The following VAPB variants were observed in gnomAD, a reference collection of about 807,000 sequenced individuals.
The protein encoded by VAPB is vesicle-associated membrane protein-associated protein B/C.
A neutral mutation model predicts 25.6 loss-of-function variants in VAPB; 7 were observed. The observed-to-expected ratio is 0.27, with a 90% CI of 0.16 to 0.51. The LOEUF is 0.51. Ranked by LOEUF, VAPB falls within the 20% of genes least tolerant of loss-of-function variation. The pLI, the probability that VAPB is intolerant of heterozygous loss-of-function variation, is 0.97. For synonymous variants in VAPB, 112 were observed against 109.2 expected (o/e 1.03, Z -0.16); for missense variants, 266 against 301.3 (o/e 0.88, Z 0.87).
At chr20:58,428,713 T>G (rs139766078) in intron 2 of VAPB, among the ~76,000 whole-genome samples, 218 of 152,352 alleles carry the variant, frequency 1.4e-3, no homozygotes, top group African/African-American at 4.8e-3. Flanking sequence ...TGTCACAATT[T>G]GCACATATGG....
rs1157096226 is a variant in VAPB, at chr20:58,448,572, T to C, written c.*4337T>C. On this transcript the variant is annotated 3_prime_UTR_variant, in exon 6 of 6. Transcript: ENST00000475243. ...TAAATCAGTCTCTGTAAGGCCTACA[T>C]TGCTAAGATACCATTTCAGCTCTGA... 4.4e-6 allele frequency: 2 copies of C among 454,112 alleles called. No homozygotes were observed. Among genetic ancestry groups the C allele is most frequent in the Non-Finnish European group, 8.8e-6 (2 of 226,792 alleles). 28.1% of individuals were successfully genotyped at this position (454,112 alleles called of 1,614,324 possible).
chr20:58,448,232 C>T lies in VAPB; in HGVS notation c.*3997C>T, dbSNP rs1172681069. 2 of 454,016 alleles carry T rather than the reference C, an allele frequency of 4.4e-6. No individual in the cohort carries two copies. Among genetic ancestry groups the T allele is most frequent in the Non-Finnish European group, 8.8e-6 (2 of 226,782 alleles). The allele number at this position is 454,016 out of a possible 1,614,324, so 28.1% of individuals were successfully genotyped here. A position where few individuals can be genotyped will look rare whatever the true frequency, so the allele number is the denominator to read the frequency against. On this transcript the variant is annotated 3_prime_UTR_variant, in exon 6 of 6. Coordinates refer to ENST00000475243, the MANE Select transcript of VAPB (RefSeq NM_004738.5). ...TTCATGACATACAAATCCCATAAGG[C>T]CAACGACCACTCTTCTGGAACACCA...
At chr20:58,402,552 C>G (rs1383339667) in intron 1 of VAPB, among the ~76,000 whole-genome samples, 1 of 147,156 alleles carries the variant, frequency 6.8e-6, no homozygotes, top group Non-Finnish European at 1.5e-5. Context: ...AGTCAGCAAG[C>G]CCCCCCACCC....
rs1988595384 is a variant in VAPB at position 58,418,342 on chromosome 20, G to A, written c.190G>A (p.Gly64Arg). ...GCCCAACAGCGGAATCATCGATGCA[G>A]GGGCCTCAATTAATGTATCTGGTAA... ...VRPNSGIIDA[G>R]ASINVSVMLQ... The change falls in exon 2 of 6, where the codon GGG becomes AGG. Residue 64 changes from glycine to arginine, a missense_variant. By Grantham distance (125) the Gly-to-Arg change is moderately radical. This residue lies in a region of VAPB where 98 missense variants were observed against 147.1 expected (regional missense o/e 0.67). Transcript: ENST00000475243. 1.9e-6 allele frequency: 3 copies of A among 1,614,140 alleles called. No homozygotes were observed. The East Asian group carries it at 6.7e-5, about 36-fold the overall frequency.
chr20:58,442,195 G>T (rs1989176904), intron 5 of VAPB, among the ~76,000 whole-genome samples: 1 of 152,190 alleles, frequency 6.6e-6, no homozygotes, highest in South Asian at 2.1e-4. Context: ...TGACAGTGAG[G>T]TAGATATAGG....
intron 2 of VAPB, among the ~76,000 whole-genome samples, chr20:58,424,883 T>C (rs1351229074): frequency 1.3e-5 from 2 of 152,262 alleles, no homozygotes; most frequent in East Asian, 3.8e-4. Flanking sequence ...AACTGATTTA[T>C]AAATAAATGC....
intron 3 of VAPB, among the ~76,000 whole-genome samples, chr20:58,436,574 A>T (rs1021455118): frequency 4.0e-5 from 6 of 151,864 alleles, no homozygotes; most frequent in African/African-American, 1.5e-4. Flanking sequence ...CGATCTGCCC[A>T]CCTCAGCCTC....
chr20:58,450,981 C>T lies in VAPB; in HGVS notation c.*6746C>T, dbSNP rs886056839. 8.8e-6 allele frequency: 4 copies of T among 453,986 alleles called. No homozygotes were observed. Among genetic ancestry groups the T allele is most frequent in the South Asian group, 1.6e-5 (1 of 64,470 alleles). The allele number at this position is 453,986 out of a possible 1,614,324, so 28.1% of individuals were successfully genotyped here. ...GGGTCCAGACCAAAAGAGCCATTTA[C>T]AGCATGTTCTCCCATGTTCCATTAT... On this transcript the variant is annotated 3_prime_UTR_variant, in exon 6 of 6. Transcript: ENST00000475243.
intron 5 of VAPB, among the ~76,000 whole-genome samples, chr20:58,442,567 A>G (rs1989187143): frequency 2.0e-5 from 3 of 152,284 alleles, no homozygotes; most frequent in South Asian, 4.1e-4. Context: ...CAATCTCAAC[A>G]TTAGAAGATT....
rs971441353 is a variant in VAPB, at chr20:58,405,985, A to T, written c.59-12226A>T. ...TGTAGAGGAATATAGAGGAATGTAG[A>T]TTAAATGTAGAGGAAGAGAGACTGC... On this transcript the variant is annotated intron_variant, in intron 1 of 5. Coordinates refer to ENST00000475243, the MANE Select transcript of VAPB (RefSeq NM_004738.5). Among the ~76,000 whole-genome samples, 3 of 152,072 alleles carry T rather than the reference A, an allele frequency of 2.0e-5. No individual in the cohort carries two copies. In the South Asian group the frequency reaches 6.2e-4, roughly 32 times the overall value.
chr20:58,413,219 G>A (rs1477385090), intron 1 of VAPB, among the ~76,000 whole-genome samples: 2 of 149,016 alleles, frequency 1.3e-5, no homozygotes, highest in Non-Finnish European at 3.0e-5. Flanking sequence ...AGGGTCATAG[G>A]ACAATAGTGG....
chr20:58,403,602 T>C lies in VAPB; in HGVS notation c.58+14085T>C, dbSNP rs184230330. 1.3e-3 allele frequency among the ~76,000 whole-genome samples: 192 copies of C among 152,350 alleles called. 1 individual carries two copies. The highest frequency in any genetic ancestry group is 2.5e-4 in the Non-Finnish European group (17 of 68,030). On this transcript the variant is annotated intron_variant, in intron 1 of 5. Coordinates refer to ENST00000475243, the MANE Select transcript of VAPB (RefSeq NM_004738.5). ...TGATGAACTGTCCACCTCTTTATCA[T>C]CTCTTTTACTGGATGTTGAGGTTTC... is the stretch of plus-strand genomic sequence containing the variant.
intron 3 of VAPB, 32 bp downstream of exon 3, chr20:58,434,737 TAAC>T: frequency 9.0e-7 from 1 of 1,107,466 alleles, no homozygotes; most frequent in Non-Finnish European, 1.4e-6. Context: ...TTTTTTTCAG[TAAC>T]AATAATTTAA....
rs1249191063 is a variant in VAPB at position 58,449,081 on chromosome 20, A to G, written c.*4846A>G. On this transcript the variant is annotated 3_prime_UTR_variant, in exon 6 of 6. Coordinates refer to ENST00000475243, the MANE Select transcript of VAPB (RefSeq NM_004738.5). ...CAGGATATCAGCAAAGAGGGCAAGTAATAGAAGCCCCTGATAAGGAGCGTC... is the reference window on the plus strand; with the variant it reads ...CAGGATATCAGCAAAGAGGGCAAGTGATAGAAGCCCCTGATAAGGAGCGTC... The G allele has an allele frequency of 2.2e-6, 1 of 454,002 alleles. No homozygotes were observed. The highest frequency in any genetic ancestry group is 6.9e-5 in the East Asian group (1 of 14,406). The allele number at this position is 454,002 out of a possible 1,614,324, so 28.1% of individuals were successfully genotyped here. A position where few individuals can be genotyped will look rare whatever the true frequency, so the allele number is the denominator to read the frequency against.
Position 58,447,393 on chromosome 20 carries a change from T to A in VAPB, c.*3158T>A, listed in dbSNP as rs969923505. 4 of 453,982 alleles carry A rather than the reference T, an allele frequency of 8.8e-6. No individual in the cohort carries two copies. Among genetic ancestry groups the A allele is most frequent in the African/African-American group, 8.0e-5 (4 of 49,994 alleles). The allele number at this position is 453,982 out of a possible 1,614,324, so 28.1% of individuals were successfully genotyped here. A position where few individuals can be genotyped will look rare whatever the true frequency, so the allele number is the denominator to read the frequency against. ...TGGCACCAGCAGTAATACATACTGA[T>A]AAAATCAAAATTGATTTTTACCAGT... On this transcript the variant is annotated 3_prime_UTR_variant, in exon 6 of 6. Coordinates refer to ENST00000475243, the MANE Select transcript of VAPB (RefSeq NM_004738.5).
chr20:58,449,977 C>G lies in VAPB; in HGVS notation c.*5742C>G, dbSNP rs1989400687. On this transcript the variant is annotated 3_prime_UTR_variant, in exon 6 of 6. Transcript: ENST00000475243. ...AAAATGCCAACTAAGGGAGACTAAT[C>G]AGATATCTTAACACAATTTCATCCA... 2 of 453,798 alleles carry G rather than the reference C, an allele frequency of 4.4e-6. No individual in the cohort carries two copies. Among genetic ancestry groups the G allele is most frequent in the African/African-American group, 4.0e-5 (2 of 49,912 alleles). The allele number at this position is 453,798 out of a possible 1,614,324, so 28.1% of individuals were successfully genotyped here.
chr20:58,389,258 C>A lies in VAPB; in HGVS notation c.-202C>A, dbSNP rs1411647471. 1 of 670,734 alleles carries A rather than the reference C, an allele frequency of 1.5e-6. No homozygotes were observed. The highest frequency in any genetic ancestry group is 2.7e-6 in the Non-Finnish European group (1 of 370,476). The allele number at this position is 670,734 out of a possible 1,614,324, so 41.5% of individuals were successfully genotyped here. A position where few individuals can be genotyped will look rare whatever the true frequency, so the allele number is the denominator to read the frequency against. On this transcript the variant is annotated 5_prime_UTR_variant, in exon 1 of 6. Coordinates refer to ENST00000475243, the MANE Select transcript of VAPB (RefSeq NM_004738.5). ...GCCGTCAGCTCGCCGGGCACCGCGG[C>A]CTCGCCCTCGCCCTCCGCCCCTGCG... is the stretch of plus-strand genomic sequence containing the variant.
Position 58,434,641 on chromosome 20 carries a change from G to A in VAPB, c.251G>A (p.Ser84Asn). 6.3e-7 allele frequency: 1 copy of A among 1,599,710 alleles called. No individual in the cohort carries two copies. Among genetic ancestry groups the A allele is most frequent in the East Asian group, 2.2e-5 (1 of 44,792 alleles). Reference sequence around the variant, plus strand: ...TTCGATTATGATCCCAATGAGAAAAGTAAACACAAGTTTATGGTTCAGTCT... The same window carrying A: ...TTCGATTATGATCCCAATGAGAAAAATAAACACAAGTTTATGGTTCAGTCT... Reference protein sequence around the residue: ...QPFDYDPNEKSKHKFMVQSMF... With the variant: ...QPFDYDPNEKNKHKFMVQSMF... The change falls in exon 3 of 6, where the codon AGT (serine) becomes AAT (asparagine). Residue 84 changes from serine (S) to asparagine (N), a missense_variant. Physicochemically the swap from Ser to Asn is conservative, Grantham distance 46. Around this residue, in one of 3 missense-constraint regions of VAPB, gnomAD observed 98 missense variants for 147.1 expected, o/e 0.67. Transcript: ENST00000475243.
intron 3 of VAPB, among the ~76,000 whole-genome samples, chr20:58,438,043 G>A (rs3787146): frequency 0.64 from 96,914 of 151,866 alleles, 31,217 homozygotes; most frequent in African/African-American, 0.7. Flanking sequence ...AATCAGGAGC[G>A]TATCCTCTTA....
Sources: allele counts gnomAD v4.1 joint callset (sites outside exome capture counted in the v4.1 genomes callset), GRCh38; gene constraint gnomAD v4.1.1; regional missense constraint gnomAD v4.1.1; transcripts MANE v1.5; gene names NCBI Gene and HGNC (gene_info 2026-07-23, HGNC 2026-07-21).